Variants in HERC2 observed in about 807,000 individuals in gnomAD.
HERC2 encodes the protein E3 ubiquitin-protein ligase HERC2.
In HERC2, 102 loss-of-function variants were observed where a neutral mutation model predicts 537.7. The observed-to-expected ratio is 0.19, with a 90% CI of 0.16 to 0.22. HERC2 has a LOEUF of 0.22. HERC2 is among the 10% of genes least tolerant of loss of function. HERC2 has a pLI of 1.00. For missense variants in HERC2, 4,236 were observed against 6,198.2 expected (o/e 0.68, Z 10.63); for synonymous variants, 2,224 against 2,466.2 (o/e 0.90, Z 2.91).
Position 28,215,658 on chromosome 15 carries a change from C to T in HERC2, c.6173G>A (p.Gly2058Glu), listed in dbSNP as rs1452700473. ...WITLLMKVVE[G>E]HAPFTATSLQ... ...CGAGGTGGCAGTGAAGGGTGCGTGC[C>T]CTTCCACGACCTTCATGAGCAGCGT... Residue 2058 changes from glycine (G) to glutamate (E), a missense_variant, in exon 39 of 93, where the codon GGG (glycine) becomes GAG (glutamate). By Grantham distance (98) the Gly-to-Glu change is moderately conservative (BLOSUM62 -2). Coordinates refer to ENST00000261609, the MANE Select transcript of HERC2 (RefSeq NM_004667.6). 6.2e-7 allele frequency: 1 copy of T among 1,611,600 alleles called. No individual in the cohort carries two copies. The highest frequency in any genetic ancestry group is 1.3e-5 in the African/African-American group (1 of 74,860).
At chr15:28,292,802 C>CA (rs2076355038) in intron 4 of HERC2, 86 bp downstream of exon 4, 1 of 1,341,810 alleles carries the variant, frequency 7.5e-7, no homozygotes, top group Non-Finnish European at 1.0e-6. Context: ...AAATTGTTAC[C>CA]AAAAAAATAC....
rs1596458873 is a variant in HERC2 at position 28,309,176 on chromosome 15, T to G, written c.73-9660A>C. ...TTCTAGAAATATCTACTAAATCCAT[T>G]TGGTCTACAGTGCAGATTAAGTTTG... On this transcript the variant is annotated intron_variant, in intron 2 of 92. Coordinates refer to ENST00000261609, the MANE Select transcript of HERC2 (RefSeq NM_004667.6). 2.0e-5 allele frequency among the ~76,000 whole-genome samples: 3 copies of G among 152,350 alleles called. No homozygotes were observed. The South Asian group carries it at 6.2e-4, about 32-fold the overall frequency.
intron 35 of HERC2, among the ~76,000 whole-genome samples, chr15:28,226,115 T>C (rs1901131954): frequency 6.6e-6 from 1 of 152,182 alleles, no homozygotes; most frequent in South Asian, 2.1e-4. Flanking sequence ...AACAATAAAA[T>C]ACTGCTGAAA....
In HERC2 at chr15:28,305,602, C is replaced by T. The variant is rs1490879185; in HGVS notation, c.73-6086G>A. Among the ~76,000 whole-genome samples the T allele has an allele frequency of 3.5e-5, 4 of 112,882 alleles. No homozygotes were observed. The Admixed American group carries it at 3.9e-4, about 11-fold the overall frequency. 74.1% of individuals were successfully genotyped at this position (112,882 alleles called of 152,430 possible). The stretch of plus-strand genomic sequence containing the variant: ...AGAAGAAAACCTAGGCATTACCATT[C>T]AGGACATAGGCGTGGGCAAGGACTT... On this transcript the variant is annotated intron_variant, in intron 2 of 92. Coordinates refer to ENST00000261609, the MANE Select transcript of HERC2 (RefSeq NM_004667.6).
Position 28,124,091 on chromosome 15 carries a change from G to C in HERC2, c.13134C>G (p.Leu4378=), listed in dbSNP as rs562699983. 6.2e-7 allele frequency: 1 copy of C among 1,608,854 alleles called. No individual in the cohort carries two copies. The highest frequency in any genetic ancestry group is 2.3e-5 in the East Asian group (1 of 44,350). Residue 4378 remains leucine, a synonymous_variant, in exon 85 of 93, where the codon CTC becomes CTG. Transcript: ENST00000261609. ...GAGTGTCGAACCCAACAGAAGGCCC[G>C]AGTCCAGTTTCGTCGAGCGAGCCTT... ...DLEGSLDETG[L]GPSVGFDTLR...
chr15:28,132,633 T>C lies in HERC2; in HGVS notation c.12408+20A>G, dbSNP rs1401533918. On this transcript the variant is annotated intron_variant, in intron 80 of 92. Transcript: ENST00000261609. The stretch of plus-strand genomic sequence containing the variant: ...TGAGGAGCATGCAGCCTCCGGCCTC[T>C]GCACACGGCGCCTCCTCACCAGCTT... The C allele has an allele frequency of 6.9e-7, 1 of 1,442,682 alleles. No individual in the cohort carries two copies. The highest frequency in any genetic ancestry group is 1.5e-5 in the African/African-American group (1 of 68,764). 89.4% of individuals were successfully genotyped at this position (1,442,682 alleles called of 1,614,324 possible). A position where few individuals can be genotyped will look rare whatever the true frequency, so the allele number is the denominator to read the frequency against.
Position 28,270,793 on chromosome 15 carries a change from T to TG in HERC2, c.1158dup (p.Ile387HisfsTer2). 1 of 1,613,910 alleles carries TG rather than the reference T, an allele frequency of 6.2e-7. No homozygotes were observed. The highest frequency in any genetic ancestry group is 8.5e-7 in the Non-Finnish European group (1 of 1,179,852). On this transcript the variant is annotated frameshift_variant, in exon 10 of 93. Coordinates refer to ENST00000261609, the MANE Select transcript of HERC2 (RefSeq NM_004667.6). LOFTEE classifies it high-confidence loss of function. Reference sequence around the variant, plus strand: ...ACAACCGCCGTTTGTCGCAGATCAATGGCAAGCTCGTTGTCTTGTGGAAGG... The same window carrying TG: ...ACAACCGCCGTTTGTCGCAGATCAATGGGCAAGCTCGTTGTCTTGTGGAAGG...
intron 57 of HERC2, among the ~76,000 whole-genome samples, chr15:28,180,780 C>T (rs895468935): frequency 2.6e-5 from 4 of 152,140 alleles, no homozygotes; most frequent in African/African-American, 7.2e-5. Flanking sequence ...ATTTTTGTTG[C>T]CATTATTCCC....
intron 71 of HERC2, 60 bp downstream of exon 71, chr15:28,146,177 G>T: frequency 3.6e-6 from 4 of 1,102,240 alleles, no homozygotes; most frequent in Non-Finnish European, 5.6e-6. Flanking sequence ...AAATGTGAAG[G>T]GTTGTGTCTA....
At chr15:28,300,111 G>A (rs75336642) in intron 2 of HERC2, among the ~76,000 whole-genome samples, 11,345 of 150,358 alleles carry the variant, frequency 0.075, 1,408 homozygotes, top group African/African-American at 0.27. Flanking sequence ...ACACACACAC[G>A]TGCATGTGCT....
At chr15:28,314,144 A>G (rs1190624955) in intron 2 of HERC2, among the ~76,000 whole-genome samples, 3 of 152,228 alleles carry the variant, frequency 2.0e-5, no homozygotes, top group African/African-American at 7.2e-5. Context: ...TATTGCTACA[A>G]TATTGCATAT....
At position 28,186,660 on chromosome 15, in the gene HERC2, A is replaced by G. The variant is rs745459730; in HGVS notation, c.8742T>C (p.Arg2914=). The G allele has an allele frequency of 1.2e-6, 2 of 1,614,066 alleles. No individual in the cohort carries two copies. Among genetic ancestry groups the G allele is most frequent in the Non-Finnish European group, 1.7e-6 (2 of 1,179,950 alleles). The change falls in exon 56 of 93, where the codon CGT becomes CGC. Residue 2914 remains arginine, a synonymous_variant. Transcript: ENST00000261609. The part of the protein sequence containing the change: ...IHGLILLGRI[R]AEEEDLAAVP... ...CTGCAGCCAAATCTTCCTCTTCTGC[A>G]CGGATCCGTCCCAGCAGGATGAGAC...
intron 2 of HERC2, among the ~76,000 whole-genome samples, chr15:28,306,549 G>A (rs1488390143): frequency 6.6e-6 from 1 of 152,124 alleles, no homozygotes; most frequent in East Asian, 1.9e-4. Flanking sequence ...TTATGTCTTT[G>A]TCTGGTTTTG....
chr15:28,125,699 G>T (rs902247170), intron 83 of HERC2, among the ~76,000 whole-genome samples: 1 of 151,962 alleles, frequency 6.6e-6, no homozygotes, highest in African/African-American at 2.4e-5. Context: ...TTGAGACAGG[G>T]TCTCACACTC....
At chr15:28,240,375 G>C (rs748775184) in intron 23 of HERC2, among the ~76,000 whole-genome samples, 1 of 152,118 alleles carries the variant, frequency 6.6e-6, no homozygotes, top group Non-Finnish European at 1.5e-5. Flanking sequence ...CTGAGATCAC[G>C]TCACTACACT....
intron 83 of HERC2, 21 bp downstream of exon 83, chr15:28,130,142 C>A (rs772572156): frequency 1.2e-6 from 2 of 1,613,536 alleles, no homozygotes; most frequent in South Asian, 1.1e-5. Flanking sequence ...CTCAGTCCTG[C>A]GGCACTGAGC....
intron 88 of HERC2, among the ~76,000 whole-genome samples, 177 bp downstream of exon 88, chr15:28,116,488 G>A (rs1888268075): frequency 6.6e-6 from 1 of 152,090 alleles, no homozygotes; most frequent in Admixed American, 6.5e-5. Context: ...AAGTGCTAGG[G>A]TTATAGGCGT....
intron 7 of HERC2, 192 bp from the exon 8 acceptor site, chr15:28,273,196 A>G (rs956536175): frequency 3.3e-5 from 20 of 609,712 alleles, no homozygotes; most frequent in Non-Finnish European, 4.9e-5. Context: ...TTACACAACT[A>G]TATTTTATTT....
chr15:28,295,179 A>C (rs1344629589), intron 3 of HERC2, among the ~76,000 whole-genome samples: 1 of 152,022 alleles, frequency 6.6e-6, no homozygotes, highest in African/African-American at 2.4e-5. Flanking sequence ...ATGCAAACTA[A>C]AACAGCCTCC....
Sources: gnomAD v4.1 joint callset for allele counts (sites outside exome capture counted in the v4.1 genomes callset) on GRCh38, gnomAD v4.1.1 for gene constraint, MANE v1.5 for transcripts, NCBI Gene and HGNC (gene_info 2026-07-23, HGNC 2026-07-21) for gene names.